The following KAZN variants were observed in gnomAD, a reference collection of about 807,000 sequenced individuals.
KAZN encodes kazrin, periplakin interacting protein.
A neutral mutation model predicts 87.4 loss-of-function variants in KAZN; 40 were observed. The observed-to-expected ratio is 0.46, with a 90% CI of 0.36 to 0.60. The LOEUF (loss-of-function observed/expected upper bound fraction) is 0.60, where lower values mean the gene tolerates loss of function less well. Ranked by LOEUF, KAZN falls within the 20% of genes least tolerant of loss-of-function variation. KAZN has a pLI of 0.00. For synonymous variants in KAZN, 466 were observed against 458.3 expected, an observed-to-expected ratio of 1.02 and a Z score of -0.22; for missense variants, 898 against 1,073.9, an observed-to-expected ratio of 0.84 and a Z score of 2.29.
At chr1:14,931,147 G>A (rs958084965) in intron 1 of KAZN, among the ~76,000 whole-genome samples, 6 of 152,232 alleles carry the variant, frequency 3.9e-5, no homozygotes, top group African/African-American at 1.2e-4. Flanking sequence ...CTTAGAAAAG[G>A]TATGGGAGGC....
intron 1 of KAZN, among the ~76,000 whole-genome samples, chr1:14,938,876 T>C (rs1379101751): frequency 6.6e-6 from 1 of 152,236 alleles, no homozygotes; most frequent in Non-Finnish European, 1.5e-5. Context: ...ACTTGCCAAA[T>C]AGAGCTGCTG....
intron 2 of KAZN, among the ~76,000 whole-genome samples, chr1:15,019,139 T>C (rs1670415446): frequency 6.6e-6 from 1 of 152,282 alleles, no homozygotes; most frequent in East Asian, 1.9e-4. Context: ...CAGGGACAAC[T>C]GGGGCCTGTG....
intron 1 of KAZN, among the ~76,000 whole-genome samples, chr1:14,729,160 C>T (rs148321415): frequency 6.6e-6 from 1 of 152,168 alleles, no homozygotes; most frequent in African/African-American, 2.4e-5. Context: ...TGGATACCTT[C>T]GGCCCCTGCC....
At chr1:14,185,026 G>T (rs1056503811) in intron 2 of KAZN, among the ~76,000 whole-genome samples, 5 of 152,224 alleles carry the variant, frequency 3.3e-5, no homozygotes, top group East Asian at 1.9e-4. Flanking sequence ...CGGCTTTAGG[G>T]TTATGCCTAT....
intron 1 of KAZN, among the ~76,000 whole-genome samples, chr1:14,915,928 C>T (rs1238741547): frequency 2.6e-5 from 4 of 152,142 alleles, no homozygotes; most frequent in Non-Finnish European, 5.9e-5. Flanking sequence ...AGCCAGACTA[C>T]GTGGGCTTTA....
intron 2 of KAZN, among the ~76,000 whole-genome samples, chr1:14,548,589 A>G (rs539922803): frequency 6.6e-5 from 10 of 152,352 alleles, no homozygotes; most frequent in African/African-American, 2.2e-4. Flanking sequence ...TATAAGCAGA[A>G]TAATATTGTA....
chr1:14,105,554 G>C (rs1644351252), intron 1 of KAZN, among the ~76,000 whole-genome samples: 1 of 152,118 alleles, frequency 6.6e-6, no homozygotes. Flanking sequence ...TAACCTATTA[G>C]TTTTAGAAGA....
At chr1:14,044,389 C>CA (rs1557428301) in intron 1 of KAZN, among the ~76,000 whole-genome samples, 2 of 102,736 alleles carry the variant, frequency 1.9e-5, no homozygotes, top group Non-Finnish European at 2.0e-5. Flanking sequence ...CTCACTGTTC[C>CA]GCCCCCCACC....
At chr1:14,503,345 G>A (rs1298370815) in intron 2 of KAZN, among the ~76,000 whole-genome samples, 8 of 151,340 alleles carry the variant, frequency 5.3e-5, no homozygotes, top group African/African-American at 1.7e-4. Context: ...TTAGCCGGGC[G>A]TGGTGGCGGG....
intron 2 of KAZN, among the ~76,000 whole-genome samples, chr1:14,974,915 G>A (rs943588357): frequency 6.6e-6 from 1 of 152,210 alleles, no homozygotes; most frequent in African/African-American, 2.4e-5. Context: ...TGTTAAATAT[G>A]TACAGTTCAT....
intron 1 of KAZN, among the ~76,000 whole-genome samples, chr1:13,994,550 G>T (rs949590095): frequency 6.6e-6 from 1 of 152,210 alleles, no homozygotes; most frequent in Non-Finnish European, 1.5e-5. Context: ...GCTGGGCACT[G>T]TGCTGGAGCC....
At chr1:14,686,961 C>T (rs1640991143) in intron 1 of KAZN, among the ~76,000 whole-genome samples, 1 of 152,166 alleles carries the variant, frequency 6.6e-6, no homozygotes, top group Admixed American at 6.5e-5. Context: ...TTTCATGGTG[C>T]TCCCTGCAGA....
intron 2 of KAZN, among the ~76,000 whole-genome samples, chr1:14,527,803 A>G (rs4233528): frequency 0.95 from 145,104 of 152,092 alleles, 69,610 homozygotes; most frequent in East Asian, 1. Flanking sequence ...CCTCATTACC[A>G]CGAGGATGAC....
chr1:14,045,887 T>G (rs1358939225), intron 1 of KAZN, among the ~76,000 whole-genome samples: 1 of 152,136 alleles, frequency 6.6e-6, no homozygotes, highest in Non-Finnish European at 1.5e-5. Flanking sequence ...CTACTAAGAG[T>G]TCTATTTCCA....
chr1:14,898,642 G>A (rs1011869005), intron 1 of KAZN, among the ~76,000 whole-genome samples: 3 of 152,056 alleles, frequency 2.0e-5, no homozygotes, highest in African/African-American at 4.8e-5. Flanking sequence ...ACATACACAG[G>A]GACACACACA....
intron 2 of KAZN, among the ~76,000 whole-genome samples, chr1:14,531,242 T>A (rs1181381455): frequency 6.6e-6 from 1 of 152,144 alleles, no homozygotes; most frequent in Non-Finnish European, 1.5e-5. Context: ...TATGAGCAGA[T>A]CCAAGCAAAT....
chr1:14,392,806 A>G (rs1662568753), intron 2 of KAZN, among the ~76,000 whole-genome samples: 2 of 152,156 alleles, frequency 1.3e-5, no homozygotes, highest in Admixed American at 6.5e-5. Flanking sequence ...AGCCCAGTGG[A>G]ATCAAGAGTC....
chr1:15,047,530 G>A (rs954330568), intron 4 of KAZN, among the ~76,000 whole-genome samples: 2 of 152,308 alleles, frequency 1.3e-5, no homozygotes, highest in East Asian at 3.9e-4. Flanking sequence ...TTTGGCTTTG[G>A]GAGGCCAAAG....
intron 1 of KAZN, among the ~76,000 whole-genome samples, chr1:14,133,088 G>T (rs990145193): frequency 6.6e-6 from 1 of 152,134 alleles, no homozygotes. Context: ...GGGGGATTTG[G>T]CTAGGCGCAG....
Sources: gnomAD v4.1 joint callset for allele counts (sites outside exome capture counted in the v4.1 genomes callset) on GRCh38, gnomAD v4.1.1 for gene constraint, MANE v1.5 for transcripts, NCBI Gene and HGNC (gene_info 2026-07-23, HGNC 2026-07-21) for gene names.